The following TAB2 variants were observed in gnomAD, a reference collection of about 807,000 sequenced individuals.
TAB2 encodes the protein TGF-beta activated kinase 1 (MAP3K7) binding protein 2.
A neutral mutation model predicts 65.0 loss-of-function variants in TAB2; 3 were observed. The ratio of observed to expected loss-of-function variants is 0.05; its 90% CI spans 0.02 to 0.12. The LOEUF (loss-of-function observed/expected upper bound fraction) is 0.12, where lower values mean the gene tolerates loss of function less well. TAB2 is among the 10% of genes least tolerant of loss of function. TAB2 has a pLI of 1.00. For missense variants in TAB2, 623 were observed against 840.3 expected, an observed-to-expected ratio of 0.74 and a Z score of 3.20; for synonymous variants, 298 against 285.1, an observed-to-expected ratio of 1.05 and a Z score of -0.46.
chr6:149,223,223 A>G (rs945403437), intron 1 of TAB2, among the ~76,000 whole-genome samples: 1 of 152,208 alleles, frequency 6.6e-6, no homozygotes, highest in Non-Finnish European at 1.5e-5. Flanking sequence ...GCTCTATTTT[A>G]TTACAGATAC....
At chr6:149,306,531 C>A (rs1358559576) in intron 1 of TAB2, among the ~76,000 whole-genome samples, 21 of 148,888 alleles carry the variant, frequency 1.4e-4, no homozygotes, top group African/African-American at 5.2e-4. Context: ...GCACTCCAGC[C>A]CAGGCGACAG....
At chr6:149,321,161 A>G (rs891069159) in intron 1 of TAB2, 5 of 152,212 alleles carry the variant, frequency 3.3e-5, no homozygotes, top group African/African-American at 7.2e-5. Flanking sequence ...GAACCTTTTC[A>G]TAGGTTCTGA....
intron 1 of TAB2, among the ~76,000 whole-genome samples, chr6:149,283,538 C>T (rs527527465): frequency 2.0e-5 from 3 of 151,912 alleles, no homozygotes; most frequent in Non-Finnish European, 4.4e-5. Context: ...GGTGAAACCC[C>T]GTCTCTACTA....
intron 1 of TAB2, among the ~76,000 whole-genome samples, chr6:149,293,663 G>A (rs1583069220): frequency 6.6e-6 from 1 of 152,282 alleles, no homozygotes; most frequent in South Asian, 2.1e-4. Context: ...TAATAAATTA[G>A]CATTCATGTT....
At chr6:149,245,584 T>C (rs929380340) in intron 1 of TAB2, 2 of 152,162 alleles carry the variant, frequency 1.3e-5, no homozygotes, top group Non-Finnish European at 2.9e-5. Flanking sequence ...AATTCCTTCA[T>C]TCTTTTTCAC....
chr6:149,298,781 C>T (rs990215825), intron 1 of TAB2, among the ~76,000 whole-genome samples: 1 of 152,216 alleles, frequency 6.6e-6, no homozygotes, highest in Middle Eastern at 3.2e-3. Flanking sequence ...GACACACACA[C>T]ATGCACACGC....
At chr6:149,370,682 T>C (rs974714107) in intron 2 of TAB2, among the ~76,000 whole-genome samples, 13 of 152,204 alleles carry the variant, frequency 8.5e-5, no homozygotes, top group Non-Finnish European at 1.8e-4. Context: ...ACATTGTTCT[T>C]AGTATACACA....
Position 149,240,110 on chromosome 6 carries a change from T to A in TAB2, c.-121+21334T>A, listed in dbSNP as rs150717826. On this transcript the variant is annotated intron_variant, in intron 1 of 1. Transcript: ENST00000606202. ...CTGAAGGTAGCGCCAAACTGCCCCGTTGTGCTATCTTGATTATTATAATTA... is the reference window on the plus strand; with the variant it reads ...CTGAAGGTAGCGCCAAACTGCCCCGATGTGCTATCTTGATTATTATAATTA... Among the ~76,000 whole-genome samples, 7 of 152,310 alleles carry A rather than the reference T, an allele frequency of 4.6e-5. No homozygotes were observed. The East Asian group carries it at 1.3e-3, about 29-fold the overall frequency.
chr6:149,397,499 G>T, intron 3 of TAB2, 105 bp from the exon 4 acceptor site: 2 of 1,310,614 alleles, frequency 1.5e-6, no homozygotes, highest in Non-Finnish European at 1.1e-6. Flanking sequence ...TTGTTTTAAT[G>T]TAGCTTTGGG....
chr6:149,237,328 G>T (rs1583037936), intron 1 of TAB2, among the ~76,000 whole-genome samples: 1 of 152,064 alleles, frequency 6.6e-6, no homozygotes, highest in South Asian at 2.1e-4. Context: ...TTCTTGCATT[G>T]TGTTTCTGGA....
At chr6:149,403,269 TATATATATATATATACAC>T (rs1475957653) in intron 6 of TAB2, among the ~76,000 whole-genome samples, 632 of 47,794 alleles carry the variant, frequency 0.013, 37 homozygotes, top group African/African-American at 0.062. Context: ...TATATATATA[TATATATATATATATACAC>T]ACACACACAT....
chr6:149,344,000 C>T (rs910919875), intron 1 of TAB2, among the ~76,000 whole-genome samples: 1 of 152,216 alleles, frequency 6.6e-6, no homozygotes, highest in African/African-American at 2.4e-5. Context: ...ATGTGCTTAA[C>T]TCCTTCCTTA....
intron 1 of TAB2, among the ~76,000 whole-genome samples, chr6:149,298,700 T>C (rs545356896): frequency 1.4e-5 from 2 of 146,914 alleles, no homozygotes; most frequent in East Asian, 2.0e-4. Flanking sequence ...CATTTATAAA[T>C]TGGAGATTAT....
At position 149,378,918 on chromosome 6, in the gene TAB2, A is replaced by G; in HGVS notation, c.1003A>G (p.Arg335Gly). 1 of 1,614,150 alleles carries G rather than the reference A, an allele frequency of 6.2e-7. No homozygotes were observed. The highest frequency in any genetic ancestry group is 8.5e-7 in the Non-Finnish European group (1 of 1,180,036). ...TGAAATCAAACTTGAACCCCCACAA[A>G]GAAATAATTCTTCAAAACTGCGTTC... Reference protein sequence around the residue: ...QIEIKLEPPQRNNSSKLRSSG... With the variant: ...QIEIKLEPPQGNNSSKLRSSG... Residue 335 changes from arginine to glycine, a missense_variant, in exon 3 of 7, where the codon AGA (arginine) becomes GGA (glycine). By Grantham distance (125) the Arg-to-Gly change is moderately radical. Around this residue, in one of 3 missense-constraint regions of TAB2, gnomAD observed 550 missense variants for 665.7 expected, o/e 0.83. Coordinates refer to ENST00000637181, the MANE Select transcript of TAB2 (RefSeq NM_001292034.3).
At chr6:149,294,723 C>T (rs1421020471) in intron 1 of TAB2, among the ~76,000 whole-genome samples, 1 of 152,162 alleles carries the variant, frequency 6.6e-6, no homozygotes, top group Non-Finnish European at 1.5e-5. Context: ...TTATGAACAA[C>T]TATCATTAAA....
chr6:149,376,317 T>C (rs534346733), intron 2 of TAB2, among the ~76,000 whole-genome samples: 1 of 152,324 alleles, frequency 6.6e-6, no homozygotes, highest in South Asian at 2.1e-4. Context: ...TTTCAGTAGC[T>C]CTCCTCATTG....
intron 1 of TAB2, among the ~76,000 whole-genome samples, chr6:149,286,568 G>A (rs1424846405): frequency 6.6e-6 from 1 of 152,108 alleles, no homozygotes; most frequent in East Asian, 1.9e-4. Flanking sequence ...CAGATGCTTT[G>A]ACTCATTAAT....
chr6:149,331,148 G>A (rs12211357), intron 1 of TAB2, among the ~76,000 whole-genome samples: 35,496 of 151,886 alleles, frequency 0.23, 4,343 homozygotes, highest in Non-Finnish European at 0.26. Flanking sequence ...TGTCAGTTTC[G>A]GGGAAATTGA....
At chr6:149,233,192 G>A (rs943599552) in intron 1 of TAB2, among the ~76,000 whole-genome samples, 2 of 152,122 alleles carry the variant, frequency 1.3e-5, no homozygotes, top group African/African-American at 4.8e-5. Flanking sequence ...CTACCTGGCG[G>A]GGGGTGAGAA....
Sources: allele counts gnomAD v4.1 joint callset (sites outside exome capture counted in the v4.1 genomes callset), GRCh38; gene constraint gnomAD v4.1.1; regional missense constraint gnomAD v4.1.1; transcripts MANE v1.5; gene names NCBI Gene and HGNC (gene_info 2026-07-23, HGNC 2026-07-21).